The following TAB2 variants were observed in gnomAD, a reference collection of about 807,000 sequenced individuals.
The protein encoded by TAB2 is TGF-beta-activated kinase 1 and MAP3K7-binding protein 2.
Under a neutral mutation model 65.0 loss-of-function variants are expected in TAB2, and 3 were observed. The observed-to-expected ratio is 0.05, with a 90% CI of 0.02 to 0.12. The LOEUF (loss-of-function observed/expected upper bound fraction) is 0.12, where lower values mean the gene tolerates loss of function less well. TAB2 is among the 10% of genes least tolerant of loss of function. TAB2 has a pLI of 1.00. For synonymous variants in TAB2, 298 were observed against 285.1 expected, an observed-to-expected ratio of 1.05 and a Z score of -0.46; for missense variants, 623 against 840.3, an observed-to-expected ratio of 0.74 and a Z score of 3.20.
chr6:149,311,256 G>T (rs1583078254), intron 1 of TAB2, among the ~76,000 whole-genome samples: 1 of 151,962 alleles, frequency 6.6e-6, no homozygotes, highest in African/African-American at 2.4e-5. Context: ...TGACTCTCTG[G>T]TCTTTTCTCC....
chr6:149,397,818 C>T, intron 4 of TAB2, 54 bp downstream of exon 4: 1 of 1,600,396 alleles, frequency 6.2e-7, no homozygotes, highest in South Asian at 1.1e-5. Flanking sequence ...AGTAGGCCAT[C>T]TAACATAAGT....
chr6:149,399,217 CT>C (rs768722966), intron 6 of TAB2, 33 bp downstream of exon 6: 1 of 1,598,830 alleles, frequency 6.3e-7, no homozygotes, highest in Admixed American at 1.7e-5. Flanking sequence ...AAAACTGTTA[CT>C]TTTGAAAAGC....
chr6:149,234,139 C>T lies in TAB2; in HGVS notation c.-121+15363C>T, dbSNP rs543199045. Among the ~76,000 whole-genome samples the T allele has an allele frequency of 7.9e-5, 12 of 152,232 alleles. No homozygotes were observed. The South Asian group carries it at 1.7e-3, about 21-fold the overall frequency. ...GACACCTATGACTCACAAACCGCTC[C>T]TAGTATGAAGTTTTCACATGGGAGG... is the stretch of plus-strand genomic sequence containing the variant. On this transcript the variant is annotated intron_variant, in intron 1 of 1. Coordinates refer to the TAB2 transcript ENST00000606202.
chr6:149,234,292 C>G (rs1777456524), intron 1 of TAB2, among the ~76,000 whole-genome samples: 1 of 152,168 alleles, frequency 6.6e-6, no homozygotes, highest in Admixed American at 6.5e-5. Flanking sequence ...ACTCTTGCTA[C>G]TCGGATGTTT....
At chr6:149,328,214 C>T (rs1057389140) in intron 1 of TAB2, among the ~76,000 whole-genome samples, 4 of 152,230 alleles carry the variant, frequency 2.6e-5, no homozygotes, top group Admixed American at 2.0e-4. Flanking sequence ...CATATGTCTT[C>T]TATGACATGC....
chr6:149,218,921 G>GAA, intron 1 of TAB2: 1 of 304,108 alleles, frequency 3.3e-6, no homozygotes, highest in Non-Finnish European at 7.0e-6. Flanking sequence ...AAATGCCATT[G>GAA]AAATCTGTGA....
At chr6:149,400,410 A>G (rs1782337784) in intron 6 of TAB2, 1 of 1,614,216 alleles carries the variant, frequency 6.2e-7, no homozygotes, top group Non-Finnish European at 8.5e-7. Context: ...CGAAAAGCCC[A>G]CAGAAGAAGT....
chr6:149,358,640 C>CTGTGTGTGTGTGTGTGTGTGTGTGTG (rs370116039), intron 1 of TAB2, among the ~76,000 whole-genome samples: 5,062 of 121,492 alleles, frequency 0.042, 237 homozygotes, highest in East Asian at 0.1. Flanking sequence ...CTTCAGAACT[C>CTGTGTGTGTGTGTGTGTGTGTGTGTG]TGTGTGTGTG....
At chr6:149,343,370 C>T (rs924746516) in intron 1 of TAB2, among the ~76,000 whole-genome samples, 7 of 151,700 alleles carry the variant, frequency 4.6e-5, no homozygotes, top group Non-Finnish European at 7.4e-5. Context: ...GCTTGGGAGC[C>T]TGAAGCACGA....
intron 1 of TAB2, among the ~76,000 whole-genome samples, chr6:149,233,832 A>G (rs1683856627): frequency 6.6e-6 from 1 of 152,152 alleles, no homozygotes; most frequent in South Asian, 2.1e-4. Context: ...TAATATATCC[A>G]ATGCTTGATC....
Position 149,236,528 on chromosome 6 carries a change from T to C in TAB2, c.-121+17752T>C, listed in dbSNP as rs1379164452. 2.6e-5 allele frequency among the ~76,000 whole-genome samples: 4 copies of C among 152,184 alleles called. No homozygotes were observed. The East Asian group carries it at 7.7e-4, about 29-fold the overall frequency. On this transcript the variant is annotated intron_variant, in intron 1 of 1. Transcript: ENST00000606202. ...ACAACACCACATCTGAGGTTTCTAC[T>C]CACTCAGTGCTTTCTGTTGGTGAAA...
chr6:149,377,955 A>T lies in TAB2; in HGVS notation c.103-63A>T, dbSNP rs1434095842. ...TCACTTGGTAATCATGTATTTGTAG[A>T]GATGCAAATATAAGCATTCGCTTCT... On this transcript the variant is annotated intron_variant, in intron 2 of 6. Coordinates refer to ENST00000637181, the MANE Select transcript of TAB2 (RefSeq NM_001292034.3). The T allele has an allele frequency of 2.5e-6, 3 of 1,214,708 alleles. No individual in the cohort carries two copies. In the Admixed American group the frequency reaches 5.3e-5, roughly 22 times the overall value. 75.2% of individuals were successfully genotyped at this position (1,214,708 alleles called of 1,614,324 possible).
At chr6:149,256,266 GT>G (rs1005992951) in intron 1 of TAB2, among the ~76,000 whole-genome samples, 1 of 152,156 alleles carries the variant, frequency 6.6e-6, no homozygotes, top group Non-Finnish European at 1.5e-5. Flanking sequence ...CAGTAATTCT[GT>G]TGTACTACTA....
chr6:149,345,820 CT>C (rs1198696292), intron 1 of TAB2, among the ~76,000 whole-genome samples: 2 of 152,078 alleles, frequency 1.3e-5, no homozygotes, highest in African/African-American at 4.8e-5. Flanking sequence ...TACATGGAAT[CT>C]GCATCTTGAT....
At chr6:149,367,772 T>C (rs927930939) in intron 1 of TAB2, among the ~76,000 whole-genome samples, 1 of 152,092 alleles carries the variant, frequency 6.6e-6, no homozygotes, top group Non-Finnish European at 1.5e-5. Context: ...GAAGTCTTGA[T>C]GGTAGATTAG....
At chr6:149,388,316 T>G (rs1256459566) in intron 3 of TAB2, among the ~76,000 whole-genome samples, 2 of 152,096 alleles carry the variant, frequency 1.3e-5, no homozygotes, top group African/African-American at 2.4e-5. Context: ...ACTCTGTAGC[T>G]AAAACAAAGC....
chr6:149,268,085 T>C, intron 1 of TAB2, among the ~76,000 whole-genome samples: 1 of 152,204 alleles, frequency 6.6e-6, no homozygotes. Flanking sequence ...TAGGTTTGGC[T>C]TTCAGTACCA....
At chr6:149,340,776 A>C (rs1020198459) in intron 1 of TAB2, among the ~76,000 whole-genome samples, 1 of 152,162 alleles carries the variant, frequency 6.6e-6, no homozygotes, top group Non-Finnish European at 1.5e-5. Context: ...GTATATTTTG[A>C]ATAAGACACT....
intron 1 of TAB2, among the ~76,000 whole-genome samples, chr6:149,272,882 C>T (rs1181907437): frequency 3.3e-5 from 5 of 152,084 alleles, no homozygotes; most frequent in Non-Finnish European, 7.4e-5. Flanking sequence ...TGCAGGGGTC[C>T]CCAACCCTGG....
Sources: gnomAD v4.1 joint callset for allele counts (sites outside exome capture counted in the v4.1 genomes callset) on GRCh38, gnomAD v4.1.1 for gene constraint, MANE v1.5 for transcripts, NCBI Gene and HGNC (gene_info 2026-07-23, HGNC 2026-07-21) for gene names.